PACSIN2: variants seen among roughly 807,000 people sequenced by gnomAD.
PACSIN2 encodes the protein protein kinase C and casein kinase substrate in neurons 2, also known as protein kinase C and casein kinase substrate in neurons protein 2.
PACSIN2 carries 25 observed loss-of-function variants against 63.8 expected under a neutral mutation model. That is an observed-to-expected ratio of 0.39 (90% CI 0.29 to 0.55). The LOEUF is 0.55. PACSIN2 is among the 20% of genes least tolerant of loss of function. The pLI, the probability that PACSIN2 is intolerant of heterozygous loss-of-function variation, is 0.62. For synonymous variants in PACSIN2, 255 were observed against 256.2 expected, an observed-to-expected ratio of 1.00 and a Z score of 0.05; for missense variants, 518 against 646.9, an observed-to-expected ratio of 0.80 and a Z score of 2.16.
chr22:42,879,962 G>C (rs8141676), intron 7 of PACSIN2, among the ~76,000 whole-genome samples: 54,112 of 152,026 alleles, frequency 0.36, 10,816 homozygotes, highest in Non-Finnish European at 0.45. Context: ...ACGAGTTCTC[G>C]GGTGGCGAAC....
intron 2 of PACSIN2, among the ~76,000 whole-genome samples, chr22:42,897,971 T>C (rs1441262011): frequency 6.6e-6 from 1 of 150,448 alleles, no homozygotes; most frequent in East Asian, 2.0e-4. Flanking sequence ...GGGCAGATGC[T>C]GAGAAACTGG....
rs542306912 is a variant in PACSIN2, at chr22:42,912,775, T to C, written c.-77-618A>G. Among the ~76,000 whole-genome samples, 5 of 152,334 alleles carry C rather than the reference T, an allele frequency of 3.3e-5. No individual in the cohort carries two copies. In the South Asian group the frequency reaches 1.0e-3, roughly 32 times the overall value. ...ATAAGCACAAACCACACCTTGCTAG[T>C]GTGATGACCTGTCCGCAGCCGAGAT... On this transcript the variant is annotated intron_variant, in intron 1 of 10. Transcript: ENST00000263246.
intron 1 of PACSIN2, among the ~76,000 whole-genome samples, chr22:42,947,265 C>G (rs762727209): frequency 1.3e-5 from 2 of 152,114 alleles, no homozygotes; most frequent in Non-Finnish European, 2.9e-5. Context: ...CTCCAGGCCA[C>G]CTTCGAGGTC....
chr22:42,992,940 G>C (rs1311843609), intron 1 of PACSIN2, among the ~76,000 whole-genome samples: 3 of 152,200 alleles, frequency 2.0e-5, no homozygotes, highest in Non-Finnish European at 4.4e-5. Context: ...GAGGCGGGCA[G>C]ATTGCCCGAG....
chr22:42,972,808 C>T (rs1295758779), intron 1 of PACSIN2, among the ~76,000 whole-genome samples: 2 of 152,146 alleles, frequency 1.3e-5, no homozygotes, highest in African/African-American at 2.4e-5. Context: ...GCCATGTTCC[C>T]GCCTCAGCCT....
intron 1 of PACSIN2, among the ~76,000 whole-genome samples, chr22:42,923,984 G>A (rs1401038435): frequency 6.6e-6 from 1 of 151,966 alleles, no homozygotes; most frequent in South Asian, 2.1e-4. Flanking sequence ...TGAGGCAGCA[G>A]TGAGTTACGA....
intron 1 of PACSIN2, among the ~76,000 whole-genome samples, chr22:42,928,305 T>C (rs1046637160): frequency 6.6e-6 from 1 of 152,220 alleles, no homozygotes; most frequent in African/African-American, 2.4e-5. Context: ...GAGAGTGCTG[T>C]AGGCGATGAA....
At chr22:42,976,249 C>T (rs149622174) in intron 1 of PACSIN2, among the ~76,000 whole-genome samples, 46 of 152,250 alleles carry the variant, frequency 3.0e-4, no homozygotes, top group Admixed American at 6.5e-4. Flanking sequence ...AAAATGCCTC[C>T]AGGCTTATCA....
chr22:42,890,891 T>C (rs1052612034), intron 4 of PACSIN2, 56 bp downstream of exon 4: 4 of 1,414,242 alleles, frequency 2.8e-6, no homozygotes, highest in Non-Finnish European at 4.0e-6. Flanking sequence ...GTGGTGCTGC[T>C]AGTGGGGTGC....
chr22:42,872,782 G>A (rs1442141554), intron 10 of PACSIN2, among the ~76,000 whole-genome samples: 2 of 152,272 alleles, frequency 1.3e-5, no homozygotes, highest in Non-Finnish European at 2.9e-5. Context: ...CACTGGCTCA[G>A]CCTCCCACTG....
Position 42,918,651 on chromosome 22 carries a change from A to G in PACSIN2, c.-77-6494T>C, listed in dbSNP as rs149600377. Among the ~76,000 whole-genome samples the G allele has an allele frequency of 1.6e-3, 248 of 152,272 alleles. 2 individuals carry two copies. The highest frequency in any genetic ancestry group is 5.8e-3 in the African/African-American group (241 of 41,550). ...CTGCCCAACTCCAACAAGACACCAC[A>G]TGCCCAGCTACCAGGCATTTCCAGA... On this transcript the variant is annotated intron_variant, in intron 1 of 10. Transcript: ENST00000263246.
At chr22:42,953,658 T>C (rs1452130663) in intron 1 of PACSIN2, among the ~76,000 whole-genome samples, 2 of 152,194 alleles carry the variant, frequency 1.3e-5, no homozygotes, top group Non-Finnish European at 2.9e-5. Context: ...GAAAAAACCA[T>C]TGTCTTCATT....
At chr22:42,989,175 G>A (rs1319558693) in intron 1 of PACSIN2, among the ~76,000 whole-genome samples, 9 of 152,132 alleles carry the variant, frequency 5.9e-5, no homozygotes, top group Admixed American at 5.9e-4. Flanking sequence ...CACTGCACCT[G>A]GTCTAGTTCG....
chr22:42,963,620 G>C (rs903682422), intron 1 of PACSIN2, among the ~76,000 whole-genome samples: 1 of 152,088 alleles, frequency 6.6e-6, no homozygotes, highest in African/African-American at 2.4e-5. Flanking sequence ...CTATAAGATA[G>C]GTACTCCTAG....
At chr22:42,978,211 T>C (rs1296158988) in intron 1 of PACSIN2, among the ~76,000 whole-genome samples, 1 of 152,192 alleles carries the variant, frequency 6.6e-6, no homozygotes, top group African/African-American at 2.4e-5. Flanking sequence ...AAATAACAAG[T>C]TGCTGAATAA....
chr22:42,938,620 C>A (rs942281634), intron 1 of PACSIN2, among the ~76,000 whole-genome samples: 1 of 152,234 alleles, frequency 6.6e-6, no homozygotes, highest in African/African-American at 2.4e-5. Flanking sequence ...ACTGCATGTT[C>A]CGCAGGACCA....
At chr22:43,000,027 G>C (rs768513527) in intron 1 of PACSIN2, among the ~76,000 whole-genome samples, 1 of 152,212 alleles carries the variant, frequency 6.6e-6, no homozygotes, top group Admixed American at 6.5e-5. Context: ...CCATTTCAAA[G>C]GTGAGGTAGG....
chr22:42,965,945 TCATAAA>T (rs1309544002), intron 1 of PACSIN2, among the ~76,000 whole-genome samples: 3 of 28,218 alleles, frequency 1.1e-4, no homozygotes, highest in African/African-American at 4.0e-4. Context: ...AAATAAATAA[TCATAAA>T]TAAATTATGT....
At chr22:42,921,258 C>A (rs940960699) in intron 1 of PACSIN2, among the ~76,000 whole-genome samples, 10 of 151,650 alleles carry the variant, frequency 6.6e-5, no homozygotes, top group African/African-American at 1.9e-4. Context: ...GCTCGGGAGG[C>A]TGAGCCAGGA....
Sources: gnomAD v4.1 joint callset for allele counts (sites outside exome capture counted in the v4.1 genomes callset) on GRCh38, gnomAD v4.1.1 for gene constraint, MANE v1.5 for transcripts, NCBI Gene and HGNC (gene_info 2026-07-23, HGNC 2026-07-21) for gene names.